The following COL24A1 variants were observed in gnomAD, a reference collection of about 807,000 sequenced individuals.
The protein encoded by COL24A1 is collagen type XXIV alpha 1 chain, also known as collagen alpha-1(XXIV) chain.
COL24A1 carries 224 observed loss-of-function variants against 253.9 expected under a neutral mutation model. The ratio of observed to expected loss-of-function variants is 0.88; its 90% CI spans 0.79 to 0.99. The LOEUF (loss-of-function observed/expected upper bound fraction) is 0.99, where lower values mean the gene tolerates loss of function less well. Among genes scored for constraint, COL24A1 ranks in the 50% least tolerant of loss-of-function variants. The pLI is 0.00. For missense variants in COL24A1, 2,131 were observed against 2,068.5 expected (o/e 1.03, Z -0.59); for synonymous variants, 685 against 673.7 (o/e 1.02, Z -0.26).
intron 16 of COL24A1, 100 bp downstream of exon 16, chr1:86,022,733 T>A: frequency 8.2e-7 from 1 of 1,226,170 alleles, no homozygotes; most frequent in Non-Finnish European, 1.1e-6. Context: ...TACTACAAAT[T>A]AGACTCCATA....
intron 19 of COL24A1, among the ~76,000 whole-genome samples, chr1:85,999,177 A>T (rs1388193575): frequency 4.6e-5 from 7 of 152,220 alleles, no homozygotes; most frequent in Admixed American, 4.6e-4. Context: ...ATGGTCAACC[A>T]GGCAATAAAT....
chr1:86,012,167 G>A (rs377374953), intron 19 of COL24A1, among the ~76,000 whole-genome samples: 4 of 152,020 alleles, frequency 2.6e-5, no homozygotes, highest in African/African-American at 7.2e-5. Context: ...AAGTTCTACA[G>A]GTGATAGTGA....
chr1:85,940,771 C>A lies in COL24A1; in HGVS notation c.2562+20478G>T, dbSNP rs1688686757. 2.0e-5 allele frequency among the ~76,000 whole-genome samples: 3 copies of A among 152,144 alleles called. No homozygotes were observed. The South Asian group carries it at 6.2e-4, about 31-fold the overall frequency. On this transcript the variant is annotated intron_variant, in intron 24 of 59. Transcript: ENST00000370571. ...GTAGTAATAAAATAAAAGTTCAGAA[C>A]AAAGTTTTGCCCGAGGAAGGTCTGG...
At chr1:86,084,799 G>T in intron 7 of COL24A1, among the ~76,000 whole-genome samples, 1 of 152,210 alleles carries the variant, frequency 6.6e-6, no homozygotes, top group East Asian at 1.9e-4. Context: ...TGGCTTGCCT[G>T]TTGGGGAGTT....
chr1:85,776,977 G>T (rs1668612152), intron 52 of COL24A1, among the ~76,000 whole-genome samples: 1 of 150,956 alleles, frequency 6.6e-6, no homozygotes, highest in Non-Finnish European at 1.5e-5. Flanking sequence ...TTGAGAAGGA[G>T]TCTCGCTCTG....
chr1:85,764,282 A>T (rs1175320390), intron 53 of COL24A1, among the ~76,000 whole-genome samples: 1 of 152,108 alleles, frequency 6.6e-6, no homozygotes, highest in East Asian at 1.9e-4. Context: ...GTTGAGATTC[A>T]TTGGTTTGAA....
At chr1:85,749,363 T>C (rs1419448856) in intron 55 of COL24A1, among the ~76,000 whole-genome samples, 1 of 2,006 alleles carries the variant, frequency 5.0e-4, no homozygotes, top group Non-Finnish European at 4.3e-3. Flanking sequence ...AAAGGACATC[T>C]ACACCAAAAA....
chr1:86,121,197 G>A (rs1367875109), intron 3 of COL24A1, among the ~76,000 whole-genome samples: 2 of 152,072 alleles, frequency 1.3e-5, no homozygotes, highest in Non-Finnish European at 2.9e-5. Context: ...TGTAAATGAC[G>A]AGTTAATGGG....
At chr1:85,804,855 CT>C (rs1002896976) in intron 47 of COL24A1, among the ~76,000 whole-genome samples, 385 of 142,870 alleles carry the variant, frequency 2.7e-3, no homozygotes, top group Non-Finnish European at 2.5e-3. Flanking sequence ...GGCAAATACT[CT>C]TTTTTTTTTT....
At chr1:85,853,257 A>G (rs1678002209) in intron 37 of COL24A1, among the ~76,000 whole-genome samples, 1 of 152,178 alleles carries the variant, frequency 6.6e-6, no homozygotes, top group South Asian at 2.1e-4. Context: ...GCTTAGGATA[A>G]TGGCCTCCAG....
chr1:85,945,619 T>TACATAC (rs1689256328), intron 24 of COL24A1, among the ~76,000 whole-genome samples: 1 of 147,130 alleles, frequency 6.8e-6, no homozygotes, highest in Admixed American at 6.9e-5. Flanking sequence ...GTTGGTCTAA[T>TACATAC]TATGTGGCAA....
intron 47 of COL24A1, among the ~76,000 whole-genome samples, chr1:85,816,494 T>C (rs1197144476): frequency 1.3e-5 from 2 of 152,200 alleles, no homozygotes; most frequent in African/African-American, 4.8e-5. Context: ...TACAGCCAGG[T>C]TGTGTAGTCC....
At chr1:86,081,236 A>G (rs1702615588) in intron 7 of COL24A1, among the ~76,000 whole-genome samples, 1 of 152,176 alleles carries the variant, frequency 6.6e-6, no homozygotes, top group Non-Finnish European at 1.5e-5. Flanking sequence ...GCTTCTAAGT[A>G]TGGATCAATT....
chr1:86,140,697 G>T (rs1203139284), intron 2 of COL24A1, among the ~76,000 whole-genome samples: 5 of 152,204 alleles, frequency 3.3e-5, no homozygotes, highest in Admixed American at 6.5e-5. Flanking sequence ...GCAAGTCATT[G>T]TAGAGAAGTG....
chr1:85,735,468 T>C (rs961421682), intron 58 of COL24A1, among the ~76,000 whole-genome samples: 16 of 152,138 alleles, frequency 1.1e-4, no homozygotes, highest in African/African-American at 3.9e-4. Context: ...TTTCCAAAGA[T>C]GAGTTACAAG....
intron 19 of COL24A1, among the ~76,000 whole-genome samples, chr1:85,997,055 G>GTGTGTGTGTGTGTGTATGTATATATATA: frequency 2.1e-5 from 2 of 95,090 alleles, no homozygotes; most frequent in Non-Finnish European, 4.9e-5. Flanking sequence ...GTGTGTGTGT[G>GTGTGTGTGTGTGTGTATGTATATATATA]TATATATATA....
intron 19 of COL24A1, among the ~76,000 whole-genome samples, chr1:86,010,569 G>A (rs189272280): frequency 3.3e-5 from 5 of 152,136 alleles, no homozygotes; most frequent in East Asian, 3.9e-4. Flanking sequence ...ATCTTCTTTC[G>A]ACATAGCAAT....
intron 2 of COL24A1, among the ~76,000 whole-genome samples, chr1:86,129,322 T>G (rs765643028): frequency 1.1e-4 from 16 of 151,754 alleles, no homozygotes; most frequent in Non-Finnish European, 2.2e-4. Flanking sequence ...TTTGCTTTAT[T>G]TATTCTTAAG....
chr1:85,951,439 G>A (rs1249936588), intron 24 of COL24A1, among the ~76,000 whole-genome samples: 1 of 152,104 alleles, frequency 6.6e-6, no homozygotes, highest in African/African-American at 2.4e-5. Flanking sequence ...GGGTGGGAAA[G>A]CGAAGGTCTT....
Sources: allele counts gnomAD v4.1 joint callset (sites outside exome capture counted in the v4.1 genomes callset), GRCh38; gene constraint gnomAD v4.1.1; transcripts MANE v1.5; gene names NCBI Gene and HGNC (gene_info 2026-07-23, HGNC 2026-07-21).